MAP4: variants seen among roughly 807,000 people sequenced by gnomAD.
MAP4 encodes microtubule-associated protein 4.
MAP4 carries 76 observed loss-of-function variants against 170.2 expected under a neutral mutation model. The ratio of observed to expected loss-of-function variants is 0.45; its 90% CI spans 0.37 to 0.54. MAP4 has a LOEUF of 0.54. Among genes scored for constraint, MAP4 ranks in the 20% least tolerant of loss-of-function variants. The pLI is 0.00. For synonymous variants in MAP4, 909 were observed against 994.5 expected (o/e 0.91, Z 1.62); for missense variants, 2,506 against 2,748.0 (o/e 0.91, Z 1.97).
intron 1 of MAP4, among the ~76,000 whole-genome samples, chr3:48,067,049 C>A (rs147797450): frequency 6.6e-6 from 1 of 151,966 alleles, no homozygotes; most frequent in Non-Finnish European, 1.5e-5. Context: ...ACCATGCTAG[C>A]CAGGATGGTC....
intron 15 of MAP4, among the ~76,000 whole-genome samples, chr3:47,870,391 G>A (rs896516141): frequency 6.6e-6 from 1 of 152,134 alleles, no homozygotes. Flanking sequence ...CTCAAGTCAT[G>A]GGTTGTGGAA....
intron 1 of MAP4, among the ~76,000 whole-genome samples, chr3:48,001,505 T>C (rs935686866): frequency 2.6e-5 from 4 of 152,198 alleles, no homozygotes; most frequent in Non-Finnish European, 4.4e-5. Flanking sequence ...GTAGTACCAT[T>C]ATACAAAAAT....
intron 3 of MAP4, among the ~76,000 whole-genome samples, chr3:47,935,057 AAGATATG>A (rs2100051947): frequency 6.6e-6 from 1 of 152,260 alleles, no homozygotes; most frequent in African/African-American, 2.4e-5. Flanking sequence ...TCATAAGGCT[AAGATATG>A]TGAAGTGCTT....
At chr3:47,978,184 T>C (rs2100083316) in intron 2 of MAP4, among the ~76,000 whole-genome samples, 1 of 152,238 alleles carries the variant, frequency 6.6e-6, no homozygotes, top group Non-Finnish European at 1.5e-5. Flanking sequence ...ATAGCAAGTC[T>C]AAATCTTTTT....
At chr3:47,928,413 G>C (rs530228058) in intron 3 of MAP4, 63 bp from the exon 4 acceptor site, 3 of 1,525,798 alleles carry the variant, frequency 2.0e-6, no homozygotes, top group Admixed American at 3.5e-5. Flanking sequence ...CACTACAGTG[G>C]AATTTCTACA....
chr3:47,929,332 G>A (rs1168090591), intron 3 of MAP4, among the ~76,000 whole-genome samples: 5 of 152,018 alleles, frequency 3.3e-5, no homozygotes, highest in Non-Finnish European at 7.4e-5. Flanking sequence ...CTACAGCCTG[G>A]GTGACAGAGC....
intron 4 of MAP4, among the ~76,000 whole-genome samples, chr3:47,923,297 C>T (rs749935054): frequency 2.6e-5 from 4 of 151,828 alleles, no homozygotes; most frequent in Non-Finnish European, 5.9e-5. Flanking sequence ...TGTTCATTTT[C>T]TTGGCTCTGA....
intron 10 of MAP4, among the ~76,000 whole-genome samples, chr3:47,902,173 TAACAA>T (rs1025931780): frequency 6.6e-6 from 1 of 152,068 alleles, no homozygotes; most frequent in Non-Finnish European, 1.5e-5. Context: ...AATACAAATT[TAACAA>T]AACAAAGTAG....
chr3:48,082,781 G>C (rs769231120), intron 1 of MAP4, among the ~76,000 whole-genome samples: 4 of 133,766 alleles, frequency 3.0e-5, no homozygotes, highest in East Asian at 2.2e-4. Context: ...CTGGGCAACA[G>C]AGCAAGACTT....
chr3:47,952,101 A>C (rs1244462099), intron 3 of MAP4, among the ~76,000 whole-genome samples: 3 of 104,440 alleles, frequency 2.9e-5, no homozygotes, highest in Admixed American at 1.1e-4. Context: ...AAGTGAGGAG[A>C]CCCTCCGCCC....
In MAP4 at chr3:48,048,718, T is replaced by C. The variant is rs950533217; in HGVS notation, c.-20+40055A>G. On this transcript the variant is annotated intron_variant, in intron 1 of 18. Coordinates refer to the MAP4 transcript ENST00000360240. ...TTTTTTTGTAGAGACAGGATCTCACTATGTTGCCCAGGCTGGTCTCAAACA... is the reference window on the plus strand; with the variant it reads ...TTTTTTTGTAGAGACAGGATCTCACCATGTTGCCCAGGCTGGTCTCAAACA... Among the ~76,000 whole-genome samples the C allele has an allele frequency of 5.9e-5, 9 of 152,012 alleles. No individual in the cohort carries two copies. The East Asian group carries it at 1.7e-3, about 29-fold the overall frequency.
At chr3:47,866,776 G>A (rs1443979860) in intron 17 of MAP4, among the ~76,000 whole-genome samples, 1 of 152,004 alleles carries the variant, frequency 6.6e-6, no homozygotes, top group East Asian at 1.9e-4. Flanking sequence ...GGAAGGGATA[G>A]GAAGAAAATG....
intron 13 of MAP4, among the ~76,000 whole-genome samples, chr3:47,871,546 T>G (rs1005269485): frequency 6.6e-6 from 1 of 152,092 alleles, no homozygotes; most frequent in Admixed American, 6.5e-5. Context: ...AGCCCTCTTC[T>G]TATCATCATG....
intron 10 of MAP4, among the ~76,000 whole-genome samples, chr3:47,898,190 G>A (rs1437482476): frequency 6.6e-6 from 1 of 152,096 alleles, no homozygotes; most frequent in Non-Finnish European, 1.5e-5. Context: ...AGAGGGGGAA[G>A]GGACAGAGTA....
chr3:48,002,991 A>AAATAAATTAATTAATTAATT (rs1393173347), intron 1 of MAP4, among the ~76,000 whole-genome samples: 3 of 150,546 alleles, frequency 2.0e-5, no homozygotes, highest in African/African-American at 7.4e-5. Flanking sequence ...ATAAATAAAT[A>AAATAAATTAATTAATTAATT]AATTTAATTC....
At chr3:47,877,866 C>G (rs967535525) in intron 10 of MAP4, 4 of 161,910 alleles carry the variant, frequency 2.5e-5, no homozygotes, top group African/African-American at 9.6e-5. Context: ...AGCAATAGGA[C>G]AAAAACCTCT....
intron 10 of MAP4, chr3:47,891,332 C>T (rs2100023808): frequency 6.5e-7 from 1 of 1,536,070 alleles, no homozygotes; most frequent in South Asian, 1.2e-5. Context: ...TGGTTCCTCA[C>T]AGATGAAAGG....
rs2100034997 is a variant in MAP4 at position 47,909,746 on chromosome 3, C to T, written c.4675G>A (p.Ala1559Thr). ...ACTTTCTCTACTGAATGCTTAGACGCACCACTGTGCACTGACTCAGATTCT... is the reference window on the plus strand; with the variant it reads ...ACTTTCTCTACTGAATGCTTAGACGTACCACTGTGCACTGACTCAGATTCT... Reference protein sequence around the residue: ...IGESESVHSGASKHSVEKVTE... With the variant: ...IGESESVHSGTSKHSVEKVTE... The change falls in exon 9 of 21, where the codon GCG (alanine) becomes ACG (threonine). Residue 1559 changes from alanine to threonine, a missense_variant. Around this residue, in one of 3 missense-constraint regions of MAP4, gnomAD observed 2,008 missense variants for 2,206.0 expected, o/e 0.91. Coordinates refer to ENST00000683076, the MANE Select transcript of MAP4 (RefSeq NM_001385682.1). 2 of 1,614,030 alleles carry T rather than the reference C, an allele frequency of 1.2e-6. No homozygotes were observed. The highest frequency in any genetic ancestry group is 1.7e-6 in the Non-Finnish European group (2 of 1,179,894).
At chr3:47,952,228 A>G (rs74652511) in intron 3 of MAP4, among the ~76,000 whole-genome samples, 109,551 of 150,496 alleles carry the variant, frequency 0.73, 39,997 homozygotes, top group African/African-American at 0.77. Context: ...GAGCATCTCC[A>G]CCCGGCAGCC....
Sources: gnomAD v4.1 joint callset for allele counts (sites outside exome capture counted in the v4.1 genomes callset) on GRCh38, gnomAD v4.1.1 for gene constraint, gnomAD v4.1.1 regional missense constraint, MANE v1.5 for transcripts, NCBI Gene and HGNC (gene_info 2026-07-23, HGNC 2026-07-21) for gene names.